The following AFAP1 variants were observed in gnomAD, a reference collection of about 807,000 sequenced individuals.
The protein encoded by AFAP1 is actin filament associated protein 1.
AFAP1 carries 75 observed loss-of-function variants against 93.9 expected under a neutral mutation model. The observed-to-expected ratio is 0.80, with a 90% CI of 0.66 to 0.97. The LOEUF is 0.97. AFAP1 is among the 50% of genes least tolerant of loss of function. The pLI is 0.00. For missense variants in AFAP1, 1,201 were observed against 1,050.8 expected, an observed-to-expected ratio of 1.14 and a Z score of -1.98; for synonymous variants, 517 against 430.7, an observed-to-expected ratio of 1.20 and a Z score of -2.48.
intron 9 of AFAP1, among the ~76,000 whole-genome samples, chr4:7,803,173 C>G (rs1455875233): frequency 2.0e-5 from 3 of 152,110 alleles, no homozygotes; most frequent in African/African-American, 2.4e-5. Flanking sequence ...AATGGTGTAT[C>G]TGAAAGGAAG....
At chr4:7,886,097 T>C (rs143721150) in intron 1 of AFAP1, among the ~76,000 whole-genome samples, 95 of 152,340 alleles carry the variant, frequency 6.2e-4, no homozygotes, top group African/African-American at 1.9e-3. Flanking sequence ...TTAGGCACTG[T>C]CTGGTTGGAA....
chr4:7,792,183 G>A (rs1159416798), intron 11 of AFAP1, among the ~76,000 whole-genome samples: 1 of 152,148 alleles, frequency 6.6e-6, no homozygotes, highest in Non-Finnish European at 1.5e-5. Context: ...ACACCAAAAC[G>A]CAGCAAGTGG....
chr4:7,928,402 T>C (rs535788793), intron 1 of AFAP1, among the ~76,000 whole-genome samples: 5 of 152,314 alleles, frequency 3.3e-5, no homozygotes, highest in African/African-American at 1.2e-4. Flanking sequence ...TTTTGGTTTT[T>C]TTTGAGACAG....
chr4:7,827,370 G>A (rs1358516729), intron 6 of AFAP1, among the ~76,000 whole-genome samples: 6 of 152,006 alleles, frequency 3.9e-5, no homozygotes, highest in South Asian at 2.1e-4. Flanking sequence ...TCAGGAGTTC[G>A]AGACCAGCCT....
At chr4:7,763,896 C>G in intron 17 of AFAP1, 105 bp from the exon 18 acceptor site, 1 of 1,080,286 alleles carries the variant, frequency 9.3e-7, no homozygotes. Context: ...TGCTCGGCTA[C>G]TGCAGAAAAC....
chr4:7,929,133 T>C (rs906509122), intron 1 of AFAP1, among the ~76,000 whole-genome samples: 1 of 152,248 alleles, frequency 6.6e-6, no homozygotes, highest in African/African-American at 2.4e-5. Flanking sequence ...CTAAGTATTT[T>C]GTGCCTTGCT....
chr4:7,887,532 A>G (rs1403791626), intron 1 of AFAP1, among the ~76,000 whole-genome samples: 1 of 152,254 alleles, frequency 6.6e-6, no homozygotes, highest in East Asian at 1.9e-4. Flanking sequence ...TATAATGTTA[A>G]AAAGTATTCA....
intron 5 of AFAP1, among the ~76,000 whole-genome samples, chr4:7,841,508 A>G (rs1267106837): frequency 1.3e-5 from 2 of 152,194 alleles, no homozygotes; most frequent in Admixed American, 1.3e-4. Context: ...AAGGAGATGG[A>G]AAAAAAGCTG....
intron 6 of AFAP1, among the ~76,000 whole-genome samples, chr4:7,828,843 A>G: frequency 6.6e-6 from 1 of 152,212 alleles, no homozygotes; most frequent in East Asian, 1.9e-4. Flanking sequence ...GTCTGACTCC[A>G]GTCTGTGCTC....
At position 7,774,906 on chromosome 4, in the gene AFAP1, T is replaced by A; in HGVS notation, c.1898-3A>T. On this transcript the variant is annotated splice_region_variant and splice_polypyrimidine_tract_variant and intron_variant, in intron 14 of 17. Coordinates refer to ENST00000420658, the MANE Select transcript of AFAP1 (RefSeq NM_001134647.2). ...GCCATACTTGTACTGGGCAGCATCT[T>A]GAGAAGAAAAAAAAGCAGCAATTAA... 1 of 1,598,518 alleles carries A rather than the reference T, an allele frequency of 6.3e-7. No individual in the cohort carries two copies. Among genetic ancestry groups the A allele is most frequent in the African/African-American group, 1.4e-5 (1 of 73,782 alleles).
intron 1 of AFAP1, among the ~76,000 whole-genome samples, chr4:7,916,866 A>T (rs17833038): frequency 0.57 from 86,465 of 151,874 alleles, 27,552 homozygotes; most frequent in African/African-American, 0.83. Context: ...CCAGTGGACC[A>T]CTCCCTTTAC....
chr4:7,903,213 A>G (rs1229005253), intron 1 of AFAP1, among the ~76,000 whole-genome samples: 2 of 152,144 alleles, frequency 1.3e-5, no homozygotes, highest in South Asian at 2.1e-4. Context: ...TTGACTAACT[A>G]TCTAGGTGCC....
intron 11 of AFAP1, among the ~76,000 whole-genome samples, chr4:7,787,726 G>A (rs1410948895): frequency 1.3e-5 from 2 of 152,146 alleles, no homozygotes; most frequent in Non-Finnish European, 2.9e-5. Flanking sequence ...GCCGGGCCAC[G>A]CCAGCCTCCG....
intron 5 of AFAP1, among the ~76,000 whole-genome samples, chr4:7,839,109 T>A (rs1712677555): frequency 1.3e-5 from 2 of 151,910 alleles, no homozygotes; most frequent in East Asian, 1.9e-4. Flanking sequence ...CTGAGGCAGG[T>A]GGATCACTTG....
At chr4:7,896,833 C>G (rs1167618171) in intron 1 of AFAP1, among the ~76,000 whole-genome samples, 1 of 150,906 alleles carries the variant, frequency 6.6e-6, no homozygotes, top group Non-Finnish European at 1.5e-5. Context: ...ACTTCCCCCA[C>G]ACCCAATGCT....
intron 6 of AFAP1, among the ~76,000 whole-genome samples, chr4:7,821,130 A>G (rs1448334431): frequency 6.6e-5 from 10 of 152,278 alleles, no homozygotes; most frequent in African/African-American, 2.4e-4. Flanking sequence ...AAAAATATAT[A>G]TATACATATA....
chr4:7,827,101 G>A (rs1721488857), intron 6 of AFAP1, among the ~76,000 whole-genome samples: 1 of 152,134 alleles, frequency 6.6e-6, no homozygotes, highest in Non-Finnish European at 1.5e-5. Flanking sequence ...AAAAGATGAC[G>A]TCATCAGCTG....
At chr4:7,917,205 T>A (rs77427059) in intron 1 of AFAP1, among the ~76,000 whole-genome samples, 1 of 152,312 alleles carries the variant, frequency 6.6e-6, no homozygotes, top group African/African-American at 2.4e-5. Context: ...AGGTGAGTTA[T>A]CTTTAGCTAT....
At chr4:7,837,482 A>G (rs79116598) in intron 6 of AFAP1, among the ~76,000 whole-genome samples, 100 of 152,328 alleles carry the variant, frequency 6.6e-4, no homozygotes, top group African/African-American at 2.3e-3. Flanking sequence ...GACACTGAAT[A>G]GAACGGTCCC....
Sources: allele counts gnomAD v4.1 joint callset (sites outside exome capture counted in the v4.1 genomes callset), GRCh38; gene constraint gnomAD v4.1.1; transcripts MANE v1.5; gene names NCBI Gene and HGNC (gene_info 2026-07-23, HGNC 2026-07-21).